SCHIP1: variants seen among roughly 807,000 people sequenced by gnomAD.
SCHIP1 encodes the protein schwannomin-interacting protein 1.
SCHIP1 carries 8 observed loss-of-function variants against 29.7 expected under a neutral mutation model. That is an observed-to-expected ratio of 0.27 (90% CI 0.16 to 0.49). The LOEUF (loss-of-function observed/expected upper bound fraction) is 0.49. Ranked by LOEUF, SCHIP1 falls within the 20% of genes least tolerant of loss-of-function variation. SCHIP1 has a pLI of 0.99. For missense variants in SCHIP1, 193 were observed against 294.6 expected, an observed-to-expected ratio of 0.66 and a Z score of 2.52; for synonymous variants, 76 against 94.9, an observed-to-expected ratio of 0.80 and a Z score of 1.16.
At chr3:159,583,533 A>G in the SCHIP1 span, among the ~76,000 whole-genome samples, 1 of 152,182 alleles carries the variant, frequency 6.6e-6, no homozygotes, top group Non-Finnish European at 1.5e-5. Flanking sequence ...GTGTATAGTC[A>G]CTTTGACTTC....
the SCHIP1 span, among the ~76,000 whole-genome samples, chr3:159,828,420 T>TATATATAC: frequency 1.2e-5 from 1 of 85,196 alleles, no homozygotes. Context: ...TATATATACG[T>TATATATAC]ATATATATAC....
the SCHIP1 span, among the ~76,000 whole-genome samples, chr3:159,434,912 C>T: frequency 6.6e-6 from 1 of 152,112 alleles, no homozygotes; most frequent in Admixed American, 6.6e-5. Context: ...CCCTGTCCTC[C>T]ACCTGTAAAA....
chr3:159,595,183 A>T, the SCHIP1 span, among the ~76,000 whole-genome samples: 1 of 152,148 alleles, frequency 6.6e-6, no homozygotes, highest in Admixed American at 6.6e-5. Flanking sequence ...CTGCTAGCAA[A>T]CACAGAGCAA....
chr3:159,810,028 C>T, the SCHIP1 span, among the ~76,000 whole-genome samples: 2 of 152,138 alleles, frequency 1.3e-5, no homozygotes, highest in Admixed American at 6.5e-5. Context: ...ATTTACATAC[C>T]GTAAAATTCA....
intron 1 of SCHIP1, among the ~76,000 whole-genome samples, chr3:159,863,341 C>CAA (rs113908634): frequency 9.9e-5 from 14 of 141,844 alleles, no homozygotes; most frequent in Non-Finnish European, 1.7e-4. Flanking sequence ...TCCATCTCAC[C>CAA]AAAAAAAAAA....
At chr3:159,437,323 G>A in the SCHIP1 span, among the ~76,000 whole-genome samples, 1 of 152,024 alleles carries the variant, frequency 6.6e-6, no homozygotes, top group Non-Finnish European at 1.5e-5. Context: ...TTGTCTATCT[G>A]GGTAAATCCT....
the SCHIP1 span, among the ~76,000 whole-genome samples, chr3:159,692,402 C>A: frequency 1.3e-5 from 2 of 152,142 alleles, no homozygotes; most frequent in Non-Finnish European, 2.9e-5. Flanking sequence ...TCCCATATTT[C>A]TTGGAGGCTT....
At chr3:159,870,416 A>AT (rs1187329767) in intron 2 of SCHIP1, among the ~76,000 whole-genome samples, 2 of 152,002 alleles carry the variant, frequency 1.3e-5, no homozygotes, top group Non-Finnish European at 2.9e-5. Context: ...CTTACAAAGA[A>AT]TTTTTATCAT....
At chr3:159,371,267 A>C in the SCHIP1 span, among the ~76,000 whole-genome samples, 1 of 152,168 alleles carries the variant, frequency 6.6e-6, no homozygotes, top group Non-Finnish European at 1.5e-5. Context: ...GAGGTGAATA[A>C]ATTGGAATCC....
At chr3:159,357,286 T>C in the SCHIP1 span, among the ~76,000 whole-genome samples, 596 of 152,304 alleles carry the variant, frequency 3.9e-3, 4 homozygotes, top group Non-Finnish European at 7.0e-3. Flanking sequence ...GATTTACATA[T>C]ATGCAAATAT....
At chr3:159,631,045 C>T in the SCHIP1 span, among the ~76,000 whole-genome samples, 1 of 151,558 alleles carries the variant, frequency 6.6e-6, no homozygotes, top group East Asian at 1.9e-4. Flanking sequence ...CCAAAGAAAA[C>T]ATACAAAGGA....
At chr3:159,736,796 G>A in the SCHIP1 span, among the ~76,000 whole-genome samples, 1 of 151,098 alleles carries the variant, frequency 6.6e-6, no homozygotes, top group African/African-American at 2.4e-5. Flanking sequence ...GTGCAGTGGC[G>A]CGATCTCAGC....
At chr3:159,296,136 C>A in the SCHIP1 span, among the ~76,000 whole-genome samples, 1 of 132,600 alleles carries the variant, frequency 7.5e-6, no homozygotes, top group African/African-American at 2.6e-5. Flanking sequence ...ATTATGCTTG[C>A]TGCTCTTTTT....
chr3:159,707,107 A>C, the SCHIP1 span, among the ~76,000 whole-genome samples: 1 of 152,236 alleles, frequency 6.6e-6, no homozygotes, highest in South Asian at 2.1e-4. Context: ...GGAGGAATGC[A>C]CAGTGCTATG....
chr3:159,312,318 G>C, the SCHIP1 span, among the ~76,000 whole-genome samples: 1 of 152,132 alleles, frequency 6.6e-6, no homozygotes. Context: ...AGAAAGTGGT[G>C]ATCTATGGGC....
At chr3:159,715,303 C>G in the SCHIP1 span, among the ~76,000 whole-genome samples, 8 of 152,200 alleles carry the variant, frequency 5.3e-5, no homozygotes, top group Non-Finnish European at 1.2e-4. Flanking sequence ...GAAACCAGAG[C>G]AGAAAAGCTG....
chr3:159,785,433 G>A, the SCHIP1 span, among the ~76,000 whole-genome samples: 2 of 152,312 alleles, frequency 1.3e-5, no homozygotes, highest in Non-Finnish European at 1.5e-5. Context: ...GAGATGGAAT[G>A]TTTCCTTCTT....
At chr3:159,293,965 A>G in the SCHIP1 span, among the ~76,000 whole-genome samples, 1 of 152,158 alleles carries the variant, frequency 6.6e-6, no homozygotes, top group East Asian at 1.9e-4. Context: ...CAGATACTAC[A>G]GGGCAAGATG....
the SCHIP1 span, among the ~76,000 whole-genome samples, chr3:159,471,043 G>A: frequency 6.6e-6 from 1 of 151,958 alleles, no homozygotes; most frequent in Non-Finnish European, 1.5e-5. Flanking sequence ...GATGGTGGTG[G>A]TTATATGATT....
Sources: allele counts gnomAD v4.1 joint callset (sites outside exome capture counted in the v4.1 genomes callset), GRCh38; gene constraint gnomAD v4.1.1; transcripts MANE v1.5; gene names NCBI Gene and HGNC (gene_info 2026-07-23, HGNC 2026-07-21).